CDKAL1: variants seen among roughly 807,000 people sequenced by gnomAD.
The protein encoded by CDKAL1 is threonylcarbamoyladenosine tRNA methylthiotransferase.
CDKAL1 carries 32 observed loss-of-function variants against 68.2 expected under a neutral mutation model. The ratio of observed to expected loss-of-function variants is 0.47; its 90% CI spans 0.35 to 0.63. The LOEUF (loss-of-function observed/expected upper bound fraction) is 0.63. Ranked by LOEUF, CDKAL1 falls within the 30% of genes least tolerant of loss-of-function variation. CDKAL1 has a pLI of 0.00. For synonymous variants in CDKAL1, 234 were observed against 244.3 expected (o/e 0.96, Z 0.39); for missense variants, 606 against 696.7 (o/e 0.87, Z 1.47).
intron 8 of CDKAL1, among the ~76,000 whole-genome samples, chr6:20,823,635 C>G (rs898282396): frequency 7.9e-5 from 12 of 152,216 alleles, no homozygotes; most frequent in Admixed American, 2.0e-4. Flanking sequence ...GGAGTTACTT[C>G]TAAACAGAAT....
At position 20,889,915 on chromosome 6, in the gene CDKAL1, A is replaced by T. The variant is rs146944445; in HGVS notation, c.742+43737A>T. Among the ~76,000 whole-genome samples the T allele has an allele frequency of 6.1e-3, 934 of 152,144 alleles. 9 individuals are homozygous for T. The highest frequency in any genetic ancestry group is 0.022 in the African/African-American group (896 of 41,498). ...TGTGAAGAAAGTCATTGGCAGCTTG[A>T]TGGGTAAAAAAAATTTTTTTTAGAG... is the stretch of plus-strand genomic sequence containing the variant. On this transcript the variant is annotated intron_variant, in intron 9 of 15. Transcript: ENST00000274695.
chr6:20,712,748 C>T (rs1308218377), intron 5 of CDKAL1, among the ~76,000 whole-genome samples: 6 of 151,884 alleles, frequency 4.0e-5, no homozygotes, highest in Non-Finnish European at 8.8e-5. Context: ...GGGATCAAGT[C>T]GTTCTCCTGC....
At chr6:20,953,160 T>C (rs1764616680) in intron 9 of CDKAL1, among the ~76,000 whole-genome samples, 1 of 152,212 alleles carries the variant, frequency 6.6e-6, no homozygotes, top group Non-Finnish European at 1.5e-5. Flanking sequence ...CTATTGTTGC[T>C]GATTTAGTGT....
intron 11 of CDKAL1, among the ~76,000 whole-genome samples, chr6:21,002,136 C>A (rs955858665): frequency 2.6e-5 from 4 of 152,122 alleles, no homozygotes; most frequent in Non-Finnish European, 5.9e-5. Context: ...TTCCAACAGC[C>A]TCTATGAGCT....
rs1581946526 is a variant in CDKAL1, at chr6:20,976,147, C to G, written c.909+20562C>G. Among the ~76,000 whole-genome samples, 3 of 152,238 alleles carry G rather than the reference C, an allele frequency of 2.0e-5. No homozygotes were observed. In the South Asian group the frequency reaches 6.2e-4, roughly 32 times the overall value. The stretch of plus-strand genomic sequence containing the variant: ...ATACCCTTTTCAGATTAGCTTCTTT[C>G]TCTTAGTAATATCATTTAAGGCTTT... On this transcript the variant is annotated intron_variant, in intron 10 of 15. Transcript: ENST00000274695.
At chr6:21,187,634 C>T (rs528061984) in intron 13 of CDKAL1, among the ~76,000 whole-genome samples, 1 of 152,210 alleles carries the variant, frequency 6.6e-6, no homozygotes, top group South Asian at 2.1e-4. Context: ...GCCTGACTCC[C>T]CATGCTTTTG....
chr6:20,890,842 A>G (rs1471323429), intron 9 of CDKAL1, among the ~76,000 whole-genome samples: 1 of 152,234 alleles, frequency 6.6e-6, no homozygotes, highest in Non-Finnish European at 1.5e-5. Flanking sequence ...TAATAGCTTA[A>G]AATTCAATAT....
Position 20,957,185 on chromosome 6 carries a change from A to G in CDKAL1, c.909+1600A>G, listed in dbSNP as rs530568626. Among the ~76,000 whole-genome samples, 6 of 152,170 alleles carry G rather than the reference A, an allele frequency of 3.9e-5. No individual in the cohort carries two copies. The South Asian group carries it at 1.2e-3, about 32-fold the overall frequency. ...TTATGATAACAGCCACTTTTTTTGG[A>G]TTGGAAAAGATCTGATCAGGGATCC... On this transcript the variant is annotated intron_variant, in intron 10 of 15. Transcript: ENST00000274695.
At chr6:20,744,932 A>G (rs1349873439) in intron 6 of CDKAL1, among the ~76,000 whole-genome samples, 1 of 152,380 alleles carries the variant, frequency 6.6e-6, no homozygotes, top group East Asian at 1.9e-4. Context: ...GAAATTCTAA[A>G]TAAACTGCAA....
chr6:21,152,628 A>G (rs1459601901), intron 13 of CDKAL1, among the ~76,000 whole-genome samples: 3 of 152,346 alleles, frequency 2.0e-5, no homozygotes, highest in Admixed American at 6.5e-5. Context: ...TATGCTAGCT[A>G]TACCTCTTGT....
intron 11 of CDKAL1, among the ~76,000 whole-genome samples, chr6:21,053,401 G>A (rs1770649029): frequency 6.6e-6 from 1 of 152,114 alleles, no homozygotes. Context: ...ACCAGTTTGG[G>A]GCAGTTATGA....
intron 10 of CDKAL1, among the ~76,000 whole-genome samples, chr6:20,969,989 A>T (rs965471830): frequency 6.9e-6 from 1 of 145,674 alleles, no homozygotes; most frequent in South Asian, 2.2e-4. Flanking sequence ...CCCAGCTGTT[A>T]TCACAGCCTG....
intron 8 of CDKAL1, among the ~76,000 whole-genome samples, chr6:20,789,892 T>G (rs548642937): frequency 6.6e-6 from 1 of 152,342 alleles, no homozygotes; most frequent in South Asian, 2.1e-4. Context: ...GCTTATTTAT[T>G]TCATATGTTT....
At chr6:20,682,623 C>G (rs1324034801) in intron 5 of CDKAL1, among the ~76,000 whole-genome samples, 2 of 152,108 alleles carry the variant, frequency 1.3e-5, no homozygotes, top group Non-Finnish European at 2.9e-5. Flanking sequence ...CGATCACCTC[C>G]CATCAGGCCC....
chr6:20,772,528 G>C (rs1330754140), intron 7 of CDKAL1, among the ~76,000 whole-genome samples: 1 of 152,026 alleles, frequency 6.6e-6, no homozygotes, highest in African/African-American at 2.4e-5. Context: ...TGCCCCAGAA[G>C]GTATCTCCAT....
chr6:20,874,356 T>TA (rs1760385248), intron 9 of CDKAL1, among the ~76,000 whole-genome samples: 1 of 151,926 alleles, frequency 6.6e-6, no homozygotes, highest in Non-Finnish European at 1.5e-5. Flanking sequence ...GGCTGGATGA[T>TA]AGAGTGGTGT....
intron 8 of CDKAL1, among the ~76,000 whole-genome samples, chr6:20,784,667 C>T (rs934887122): frequency 7.9e-5 from 12 of 151,624 alleles, no homozygotes; most frequent in East Asian, 1.9e-4. Context: ...TTGTGATCCA[C>T]GCACCTCGGT....
intron 11 of CDKAL1, among the ~76,000 whole-genome samples, chr6:21,035,970 C>T (rs1204251801): frequency 1.3e-5 from 2 of 152,110 alleles, no homozygotes; most frequent in African/African-American, 2.4e-5. Context: ...CACTCAATTG[C>T]ACAGTTAAAT....
At chr6:20,781,935 T>C (rs1775449915) in intron 8 of CDKAL1, among the ~76,000 whole-genome samples, 2 of 152,236 alleles carry the variant, frequency 1.3e-5, no homozygotes, top group Non-Finnish European at 2.9e-5. Context: ...AGCACCTAAT[T>C]ACCCGTACAA....
Sources: allele counts gnomAD v4.1 joint callset (sites outside exome capture counted in the v4.1 genomes callset), GRCh38; gene constraint gnomAD v4.1.1; transcripts MANE v1.5; gene names NCBI Gene and HGNC (gene_info 2026-07-23, HGNC 2026-07-21).